ADAMTS20: variants seen among roughly 807,000 people sequenced by gnomAD.
ADAMTS20 encodes the protein ADAM metallopeptidase with thrombospondin type 1 motif 20.
ADAMTS20 carries 225 observed loss-of-function variants against 260.1 expected under a neutral mutation model. The observed-to-expected ratio is 0.87, with a 90% CI of 0.78 to 0.97. ADAMTS20 has a LOEUF of 0.97. Among genes scored for constraint, ADAMTS20 ranks in the 50% least tolerant of loss-of-function variants. The pLI is 0.00. For missense variants in ADAMTS20, 2,400 were observed against 2,337.7 expected, an observed-to-expected ratio of 1.03 and a Z score of -0.55; for synonymous variants, 802 against 769.5, an observed-to-expected ratio of 1.04 and a Z score of -0.70.
intron 36 of ADAMTS20, among the ~76,000 whole-genome samples, chr12:43,374,389 G>C (rs1195323052): frequency 6.6e-6 from 1 of 152,152 alleles, no homozygotes; most frequent in African/African-American, 2.4e-5. Flanking sequence ...GTCTCTGCTA[G>C]TGAAATGCAC....
intron 4 of ADAMTS20, among the ~76,000 whole-genome samples, chr12:43,501,505 G>A (rs1185406149): frequency 2.6e-5 from 1 of 39,006 alleles, no homozygotes; most frequent in Non-Finnish European, 4.9e-5. Context: ...ACACACACAT[G>A]TAAGGATGAA....
rs1565693142 is a variant in ADAMTS20, at chr12:43,428,474, G to A, written c.3712C>T (p.His1238Tyr). 6.2e-7 allele frequency: 1 copy of A among 1,613,834 alleles called. No homozygotes were observed. The highest frequency in any genetic ancestry group is 1.3e-5 in the African/African-American group (1 of 75,022). ...TTRQVLCMNY[H>Y]QPIDENYCDP... is the part of the protein sequence containing the mutation. Reference sequence around the variant, plus strand: ...CAGTAATTCTCATCAATTGGCTGATGGTAGTTCATGCATAAAACTTGTCGA... The same window carrying A: ...CAGTAATTCTCATCAATTGGCTGATAGTAGTTCATGCATAAAACTTGTCGA... Residue 1238 changes from histidine (H) to tyrosine (Y), a missense_variant, in exon 26 of 39, where the codon CAT (histidine) becomes TAT (tyrosine). His to Tyr is a moderately conservative substitution (Grantham distance 83, BLOSUM62 2). Coordinates refer to ENST00000389420, the MANE Select transcript of ADAMTS20 (RefSeq NM_025003.5).
intron 6 of ADAMTS20, among the ~76,000 whole-genome samples, chr12:43,491,390 C>T (rs1385458615): frequency 2.0e-5 from 3 of 152,058 alleles, no homozygotes; most frequent in Admixed American, 6.6e-5. Flanking sequence ...AATGTGTCCC[C>T]GTCATTAAGC....
intron 15 of ADAMTS20, among the ~76,000 whole-genome samples, chr12:43,444,671 T>A (rs1002497426): frequency 1.3e-5 from 2 of 152,196 alleles, no homozygotes; most frequent in South Asian, 2.1e-4. Context: ...CGCAGGTTTT[T>A]AAATATACAA....
chr12:43,523,808 C>G (rs929960998), intron 3 of ADAMTS20, among the ~76,000 whole-genome samples: 1 of 152,050 alleles, frequency 6.6e-6, no homozygotes, highest in Non-Finnish European at 1.5e-5. Flanking sequence ...CTCAGAGAGT[C>G]AGAGCAAGGA....
chr12:43,469,847 A>T (rs1942220793), intron 7 of ADAMTS20, among the ~76,000 whole-genome samples: 1 of 152,182 alleles, frequency 6.6e-6, no homozygotes, highest in South Asian at 2.1e-4. Flanking sequence ...AATGGAAGTT[A>T]AACTGAGGAA....
At chr12:43,540,839 T>A (rs1943367342) in intron 2 of ADAMTS20, among the ~76,000 whole-genome samples, 1 of 152,238 alleles carries the variant, frequency 6.6e-6, no homozygotes, top group African/African-American at 2.4e-5. Flanking sequence ...GATGATCTTC[T>A]ATTTGCCAAG....
At chr12:43,520,896 T>G (rs1943062205) in intron 3 of ADAMTS20, among the ~76,000 whole-genome samples, 1 of 152,206 alleles carries the variant, frequency 6.6e-6, no homozygotes, top group Non-Finnish European at 1.5e-5. Flanking sequence ...GCTCTCATGT[T>G]TCTTTTTGTT....
At chr12:43,420,797 C>CTTTTTTTTTTTTTTTTTTT (rs1415962939) in intron 28 of ADAMTS20, among the ~76,000 whole-genome samples, 1 of 77,436 alleles carries the variant, frequency 1.3e-5, no homozygotes, top group African/African-American at 5.4e-5. Flanking sequence ...CCTCCTCCTC[C>CTTTTTTTTTTTTTTTTTTT]TTCTTTTTTT....
intron 3 of ADAMTS20, among the ~76,000 whole-genome samples, chr12:43,521,130 C>T (rs950800590): frequency 5.9e-5 from 9 of 152,160 alleles, no homozygotes; most frequent in South Asian, 2.1e-4. Context: ...GTTAAAAACT[C>T]GTAAGCTTGC....
At chr12:43,473,319 G>C (rs1260800608) in intron 7 of ADAMTS20, among the ~76,000 whole-genome samples, 1 of 28,070 alleles carries the variant, frequency 3.6e-5, no homozygotes, top group Admixed American at 5.6e-4. Context: ...CAATACAGGA[G>C]CACCCAGATT....
intron 7 of ADAMTS20, among the ~76,000 whole-genome samples, chr12:43,480,794 T>C (rs1462025039): frequency 6.6e-6 from 1 of 152,122 alleles, no homozygotes; most frequent in Non-Finnish European, 1.5e-5. Flanking sequence ...GGTTTCCACA[T>C]GCTGAGGGAG....
Position 43,428,226 on chromosome 12 carries a change from A to G in ADAMTS20, c.3945+15T>C, listed in dbSNP as rs1941368942. Reference sequence around the variant, plus strand: ...AAAATTACAGAATTAATATAACTCAATAAAGATGGCTTACTGATCCCCATG... The same window carrying G: ...AAAATTACAGAATTAATATAACTCAGTAAAGATGGCTTACTGATCCCCATG... On this transcript the variant is annotated intron_variant, in intron 26 of 38. Transcript: ENST00000389420. The G allele has an allele frequency of 1.1e-5, 18 of 1,611,780 alleles. No homozygotes were observed. Among genetic ancestry groups the G allele is most frequent in the Non-Finnish European group, 1.4e-5 (16 of 1,178,782 alleles).
intron 6 of ADAMTS20, among the ~76,000 whole-genome samples, chr12:43,492,272 T>C (rs987754281): frequency 6.0e-5 from 9 of 150,954 alleles, no homozygotes; most frequent in Non-Finnish European, 1.0e-4. Flanking sequence ...CCCAGCTACT[T>C]GGGAGGCTGA....
rs74914620 is a variant in ADAMTS20 at position 43,538,793 on chromosome 12, T to A, written c.454-6598A>T. ...CTTAAAGGTAAGAACATATTTACTA[T>A]TTTCAGAGTTCCAACATCTAAAACA... On this transcript the variant is annotated intron_variant, in intron 2 of 38. Transcript: ENST00000389420. Among the ~76,000 whole-genome samples, 854 of 152,292 alleles carry A rather than the reference T, an allele frequency of 5.6e-3. 7 individuals carry two copies. Among genetic ancestry groups the A allele is most frequent in the South Asian group, 9.3e-3 (45 of 4,826 alleles).
chr12:43,428,308 T>C lies in ADAMTS20; in HGVS notation c.3878A>G (p.Asp1293Gly), dbSNP rs1941371526. Residue 1293 changes from aspartate (D) to glycine (G), a missense_variant, in exon 26 of 39, where the codon GAT (aspartate) becomes GGT (glycine). Physicochemically the swap from Asp to Gly is moderately conservative, Grantham distance 94. Transcript: ENST00000389420. Reference sequence around the variant, plus strand: ...TGGATGGACCACCTGATTTTCATTATCTTCAAGTTTTTGAGTTAATGGCAA... The same window carrying C: ...TGGATGGACCACCTGATTTTCATTACCTTCAAGTTTTTGAGTTAATGGCAA... ...TNLPLTQKLE[D>G]NENQVVHPSV... is the part of the protein sequence containing the mutation. The C allele has an allele frequency of 3.1e-6, 5 of 1,614,000 alleles. No individual in the cohort carries two copies. The highest frequency in any genetic ancestry group is 1.7e-4 in the Middle Eastern group (1 of 6,060).
intron 16 of ADAMTS20, among the ~76,000 whole-genome samples, chr12:43,440,558 GTT>G (rs2137326528): frequency 6.6e-6 from 1 of 152,286 alleles, no homozygotes; most frequent in Admixed American, 6.5e-5. Context: ...TTAACAATAA[GTT>G]AGGTAACTTC....
At position 43,432,346 on chromosome 12, in the gene ADAMTS20, A is replaced by G; in HGVS notation, c.3054T>C (p.Asn1018=). ...CAGCCCAACTGGGACAGGAAAATTC[A>G]TTGCAATTCTCTCTCGTCACTCGGG... The part of the protein sequence containing the change: ...ELSRVTRENC[N]EFSCPSWAAS... The change falls in exon 21 of 39, where the codon AAT becomes AAC. Residue 1018 remains asparagine (N), a synonymous_variant. Transcript: ENST00000389420. 4 of 1,613,948 alleles carry G rather than the reference A, an allele frequency of 2.5e-6. No homozygotes were observed. The highest frequency in any genetic ancestry group is 3.4e-6 in the Non-Finnish European group (4 of 1,179,880).
chr12:43,543,094 G>A (rs901071353), intron 2 of ADAMTS20, among the ~76,000 whole-genome samples: 8 of 152,224 alleles, frequency 5.3e-5, no homozygotes, highest in Admixed American at 5.2e-4. Flanking sequence ...GAGGCCAGGA[G>A]TTCAAGACCA....
Sources: allele counts gnomAD v4.1 joint callset (sites outside exome capture counted in the v4.1 genomes callset), GRCh38; gene constraint gnomAD v4.1.1; transcripts MANE v1.5; gene names NCBI Gene and HGNC (gene_info 2026-07-23, HGNC 2026-07-21).